The following DPP6 variants were observed in gnomAD, a reference collection of about 807,000 sequenced individuals.
The protein encoded by DPP6 is A-type potassium channel modulatory protein DPP6.
A neutral mutation model predicts 122.6 loss-of-function variants in DPP6; 69 were observed. The observed-to-expected ratio is 0.56, with a 90% CI of 0.46 to 0.69. DPP6 has a LOEUF of 0.69. Ranked by LOEUF, DPP6 falls within the 30% of genes least tolerant of loss-of-function variation. DPP6 has a pLI of 0.00. For missense variants in DPP6, 928 were observed against 1,116.9 expected (o/e 0.83, Z 2.41); for synonymous variants, 418 against 433.1 (o/e 0.97, Z 0.43).
At chr7:154,103,625 G>A (rs1309188705) in intron 1 of DPP6, among the ~76,000 whole-genome samples, 18 of 152,282 alleles carry the variant, frequency 1.2e-4, no homozygotes, top group African/African-American at 2.7e-4. Context: ...GGAGACTGAC[G>A]TTTGAGTCAG....
chr7:153,797,239 T>C, the DPP6 span, among the ~76,000 whole-genome samples: 1 of 152,156 alleles, frequency 6.6e-6, no homozygotes, highest in Non-Finnish European at 1.5e-5. Context: ...CCACAAAAAC[T>C]ATGGGATGTG....
chr7:154,061,743 T>C (rs1585278025), intron 1 of DPP6, among the ~76,000 whole-genome samples: 1 of 83,648 alleles, frequency 1.2e-5, no homozygotes, highest in Admixed American at 1.1e-4. Context: ...AACCTCCCCC[T>C]TTCCTCCCCT....
chr7:154,082,498 C>T (rs1804091665), intron 1 of DPP6, among the ~76,000 whole-genome samples: 1 of 151,832 alleles, frequency 6.6e-6, no homozygotes, highest in African/African-American at 2.4e-5. Context: ...CAAGAAGTCA[C>T]CTAATTTCAA....
chr7:154,058,476 AGG>A (rs34296411), intron 1 of DPP6: 3 of 113,656 alleles, frequency 2.6e-5, no homozygotes, highest in East Asian at 3.0e-4. Flanking sequence ...CCCCCATCGT[AGG>A]GGGGGGGAGG....
At chr7:154,411,794 G>A (rs554288182) in intron 1 of DPP6, among the ~76,000 whole-genome samples, 4 of 152,240 alleles carry the variant, frequency 2.6e-5, no homozygotes, top group African/African-American at 9.6e-5. Flanking sequence ...CTGCATTCGA[G>A]TAATTTTAAC....
chr7:154,534,479 A>C (rs942621769), intron 3 of DPP6, among the ~76,000 whole-genome samples: 1 of 152,310 alleles, frequency 6.6e-6, no homozygotes, highest in East Asian at 1.9e-4. Flanking sequence ...GTATGTTAAA[A>C]CCCTAAGAAG....
intron 1 of DPP6, among the ~76,000 whole-genome samples, chr7:154,337,945 C>T (rs1417701369): frequency 2.6e-5 from 4 of 152,162 alleles, no homozygotes; most frequent in African/African-American, 2.4e-5. Flanking sequence ...GCTCTCGGCC[C>T]GTGTGGCATG....
chr7:154,023,774 C>T (rs1798836132), intron 1 of DPP6, among the ~76,000 whole-genome samples: 1 of 152,070 alleles, frequency 6.6e-6, no homozygotes, highest in African/African-American at 2.4e-5. Flanking sequence ...GAACCACTGC[C>T]TCTGGTCTGC....
At chr7:153,787,837 C>CTTTTTTTTTTTTTTTTT in the DPP6 span, among the ~76,000 whole-genome samples, 1 of 139,382 alleles carries the variant, frequency 7.2e-6, no homozygotes, top group African/African-American at 2.6e-5. Flanking sequence ...TTTACAATTT[C>CTTTTTTTTTTTTTTTTT]TTTTTTTTTT....
intron 1 of DPP6, among the ~76,000 whole-genome samples, chr7:154,127,654 C>CACACACAG (rs1563226089): frequency 1.4e-5 from 2 of 140,692 alleles, no homozygotes; most frequent in Admixed American, 6.9e-5. Flanking sequence ...CACACACAGA[C>CACACACAG]ACACACACAC....
chr7:154,232,728 G>A (rs923574935), intron 1 of DPP6, among the ~76,000 whole-genome samples: 41 of 152,172 alleles, frequency 2.7e-4, no homozygotes, highest in African/African-American at 8.9e-4. Context: ...TTCTACCTGC[G>A]GAGCTCACAT....
chr7:154,241,170 T>C lies in DPP6; in HGVS notation c.243+188107T>C, dbSNP rs1310923193. Among the ~76,000 whole-genome samples, 1 of 138,048 alleles carries C rather than the reference T, an allele frequency of 7.2e-6. No homozygotes were observed. Among genetic ancestry groups the C allele is most frequent in the Non-Finnish European group, 1.6e-5 (1 of 62,870 alleles). The allele number at this position is 138,048 out of a possible 152,430, so 90.6% of individuals were successfully genotyped here. A position where few individuals can be genotyped will look rare whatever the true frequency, so the allele number is the denominator to read the frequency against. ...TATAAACATATTGCTGCACAGTAGG[T>C]AATTCAATATCAATATGTGTGTGTG... On this transcript the variant is annotated intron_variant, in intron 1 of 25. Transcript: ENST00000377770. The surrounding 1 kb of genome is among the most constrained non-coding windows in gnomAD (Gnocchi z 9.0).
chr7:153,877,797 T>C, the DPP6 span, among the ~76,000 whole-genome samples: 1 of 152,184 alleles, frequency 6.6e-6, no homozygotes, highest in African/African-American at 2.4e-5. Flanking sequence ...TATTACCCTA[T>C]TCCAAATGAA....
At chr7:154,479,515 G>T (rs984010876) in intron 3 of DPP6, among the ~76,000 whole-genome samples, 1 of 137,682 alleles carries the variant, frequency 7.3e-6, no homozygotes, top group Non-Finnish European at 1.5e-5. Flanking sequence ...CCGACATTGC[G>T]CCACAGCACT....
At position 154,608,320 on chromosome 7, in the gene DPP6, C is replaced by CATATATATATATATAT. The variant is rs35662023; in HGVS notation, c.628-29494_628-29479dup. On this transcript the variant is annotated intron_variant, in intron 5 of 25. Coordinates refer to ENST00000377770, the MANE Select transcript of DPP6 (RefSeq NM_130797.4). ...CATGCTTGCATTTTTTAGGAGTGAT[C>CATATATATATATATAT]ATATATATATATATATATATATTTT... is the stretch of plus-strand genomic sequence containing the variant. 4.4e-3 allele frequency among the ~76,000 whole-genome samples: 398 copies of CATATATATATATATAT among 89,940 alleles called. 18 individuals are homozygous for CATATATATATATATAT. Among genetic ancestry groups the CATATATATATATATAT allele is most frequent in the Middle Eastern group, 0.014 (2 of 146 alleles). 59.0% of individuals were successfully genotyped at this position (89,940 alleles called of 152,430 possible).
chr7:154,109,184 T>A, intron 1 of DPP6, among the ~76,000 whole-genome samples: 1 of 152,292 alleles, frequency 6.6e-6, no homozygotes, highest in Non-Finnish European at 1.5e-5. Context: ...AAATAATTTT[T>A]AAAATAGATA....
chr7:154,480,223 A>G (rs1371589547), intron 3 of DPP6, among the ~76,000 whole-genome samples: 1 of 152,102 alleles, frequency 6.6e-6, no homozygotes. Flanking sequence ...CCTCATCTCA[A>G]GTCCACATGC....
At chr7:154,078,385 C>G (rs1374324539) in intron 1 of DPP6, among the ~76,000 whole-genome samples, 1 of 144,072 alleles carries the variant, frequency 6.9e-6, no homozygotes, top group East Asian at 2.1e-4. Context: ...CACACACACA[C>G]ACACCATTTT....
chr7:153,795,196 C>T, the DPP6 span, among the ~76,000 whole-genome samples: 2 of 152,212 alleles, frequency 1.3e-5, no homozygotes, highest in Non-Finnish European at 2.9e-5. Context: ...GTGGGTGGAT[C>T]ACGAGGTCAG....
Sources: gnomAD v4.1 joint callset for allele counts (sites outside exome capture counted in the v4.1 genomes callset) on GRCh38, gnomAD v4.1.1 for gene constraint, Gnocchi (gnomAD v3.1) non-coding constraint, MANE v1.5 for transcripts, NCBI Gene and HGNC (gene_info 2026-07-23, HGNC 2026-07-21) for gene names.